The following COG5 variants were observed in gnomAD, a reference collection of about 807,000 sequenced individuals.
COG5 encodes the protein component of oligomeric golgi complex 5.
In COG5, 86 loss-of-function variants were observed where a neutral mutation model predicts 110.4. The observed-to-expected ratio is 0.78, with a 90% CI of 0.65 to 0.93. COG5 has a LOEUF of 0.93. COG5 is among the 40% of genes least tolerant of loss of function. The pLI, the probability that COG5 is intolerant of heterozygous loss-of-function variation, is 0.00. For missense variants in COG5, 1,077 were observed against 987.0 expected (o/e 1.09, Z -1.22); for synonymous variants, 360 against 334.6 (o/e 1.08, Z -0.83).
In COG5 at chr7:107,248,489, G is replaced by A; in HGVS notation, c.1760C>T (p.Ala587Val). 1 of 1,589,620 alleles carries A rather than the reference G, an allele frequency of 6.3e-7. No individual in the cohort carries two copies. The highest frequency in any genetic ancestry group is 8.6e-7 in the Non-Finnish European group (1 of 1,163,410). ...TIISALKAIH[A>V]LMENAVQPLL... The stretch of plus-strand genomic sequence containing the variant: ...GGGTTGCACAGCATTTTCCATAAGA[G>A]CATGAATAGCCTAAAAAAAAAAAAG... Residue 587 changes from alanine (A) to valine (V), a missense_variant, in exon 17 of 22, where the codon GCT becomes GTT. Physicochemically the swap from Ala to Val is moderately conservative, Grantham distance 64. Coordinates refer to ENST00000297135, the MANE Select transcript of COG5 (RefSeq NM_006348.5).
intron 12 of COG5, among the ~76,000 whole-genome samples, chr7:107,290,667 G>T (rs889107125): frequency 6.6e-6 from 1 of 152,240 alleles, no homozygotes; most frequent in Admixed American, 6.5e-5. Flanking sequence ...TTTTTGAAAG[G>T]ACAGCTTTAC....
In COG5 at chr7:107,283,593, C is replaced by A; in HGVS notation, c.1453G>T (p.Gly485Cys). Residue 485 changes from glycine to cysteine, a missense_variant, in exon 13 of 22, where the codon GGT (glycine) becomes TGT (cysteine). Coordinates refer to ENST00000297135, the MANE Select transcript of COG5 (RefSeq NM_006348.5). Reference sequence around the variant, plus strand: ...TACCTTGCTATAGTTTTAATAATACCATCAAGTTCATCAGAGGAAGGAGGA... The same window carrying A: ...TACCTTGCTATAGTTTTAATAATACAATCAAGTTCATCAGAGGAAGGAGGA... ...RNPPSSDELDGIIKTIASELN... is the reference protein window; with the variant it reads ...RNPPSSDELDCIIKTIASELN... The A allele has an allele frequency of 6.2e-7, 1 of 1,613,860 alleles. No individual in the cohort carries two copies. The highest frequency in any genetic ancestry group is 8.5e-7 in the Non-Finnish European group (1 of 1,179,916).
intron 14 of COG5, among the ~76,000 whole-genome samples, chr7:107,278,071 A>G (rs1804846792): frequency 6.6e-6 from 1 of 152,156 alleles, no homozygotes; most frequent in African/African-American, 2.4e-5. Context: ...AGACTTCTAT[A>G]ACCAATCTTT....
intron 12 of COG5, among the ~76,000 whole-genome samples, chr7:107,297,722 C>A (rs1024513966): frequency 2.0e-5 from 3 of 152,064 alleles, no homozygotes; most frequent in Non-Finnish European, 4.4e-5. Flanking sequence ...TGACTGAGAA[C>A]CTATCCCAGC....
chr7:107,459,983 T>C (rs1198417695), intron 6 of COG5, among the ~76,000 whole-genome samples: 1 of 152,112 alleles, frequency 6.6e-6, no homozygotes, highest in Admixed American at 6.6e-5. Flanking sequence ...TACTGAGCCA[T>C]TAAACTAACC....
chr7:107,376,353 C>T (rs1372523310), intron 7 of COG5, among the ~76,000 whole-genome samples: 1 of 151,854 alleles, frequency 6.6e-6, no homozygotes, highest in East Asian at 1.9e-4. Context: ...TGCATTAACT[C>T]TATAGATAAA....
At chr7:107,420,360 G>T (rs915151504) in intron 6 of COG5, among the ~76,000 whole-genome samples, 3 of 152,200 alleles carry the variant, frequency 2.0e-5, no homozygotes, top group African/African-American at 7.2e-5. Context: ...TCATAATAGG[G>T]TATTATTCTT....
chr7:107,492,909 T>G (rs771014802), intron 6 of COG5, among the ~76,000 whole-genome samples: 66 of 152,256 alleles, frequency 4.3e-4, no homozygotes, highest in Middle Eastern at 6.8e-3. Flanking sequence ...CTGCACTGAT[T>G]TGAAGTCAGA....
chr7:107,502,072 AAATT>A (rs1055200300), intron 6 of COG5, among the ~76,000 whole-genome samples: 1 of 152,136 alleles, frequency 6.6e-6, no homozygotes, highest in Non-Finnish European at 1.5e-5. Context: ...TTACATAAAT[AAATT>A]ATTTAGTGAT....
chr7:107,283,664 C>A lies in COG5; in HGVS notation c.1382G>T (p.Arg461Leu), dbSNP rs770669909. Residue 461 changes from arginine to leucine, a missense_variant, in exon 13 of 22, where the codon CGA (arginine) becomes CTA (leucine). Arg to Leu is a moderately radical substitution (Grantham distance 102, BLOSUM62 -2). Transcript: ENST00000297135. ...EAAYLSKSLS[R>L]LFDPINLVFP... ...AACCAAGTTGATAGGATCGAAGAGT[C>A]GAGATAAGGATTTTGATAGATAAGC... 1 of 1,613,556 alleles carries A rather than the reference C, an allele frequency of 6.2e-7. No homozygotes were observed. Among genetic ancestry groups the A allele is most frequent in the African/African-American group, 1.3e-5 (1 of 74,868 alleles).
chr7:107,373,348 TAAAAC>T (rs1270999348), intron 7 of COG5, among the ~76,000 whole-genome samples: 1 of 151,950 alleles, frequency 6.6e-6, no homozygotes, highest in Non-Finnish European at 1.5e-5. Flanking sequence ...AAAACATAAA[TAAAAC>T]AGAATAACGG....
intron 8 of COG5, among the ~76,000 whole-genome samples, chr7:107,369,384 CTTTT>C (rs567770114): frequency 3.9e-5 from 4 of 103,156 alleles, no homozygotes; most frequent in African/African-American, 8.7e-5. Flanking sequence ...AACAAAAATT[CTTTT>C]TTTTTTTTTT....
chr7:107,537,281 C>A (rs1254875993), intron 5 of COG5, among the ~76,000 whole-genome samples: 1 of 152,132 alleles, frequency 6.6e-6, no homozygotes, highest in African/African-American at 2.4e-5. Context: ...TATAAAGATA[C>A]ACACACACGT....
At chr7:107,412,300 T>A (rs771641069) in intron 7 of COG5, among the ~76,000 whole-genome samples, 1 of 152,074 alleles carries the variant, frequency 6.6e-6, no homozygotes, top group Non-Finnish European at 1.5e-5. Flanking sequence ...TTAGAAACAT[T>A]AGGTCTATTT....
chr7:107,477,278 G>T (rs1288562428), intron 6 of COG5, among the ~76,000 whole-genome samples: 2 of 151,452 alleles, frequency 1.3e-5, no homozygotes, highest in African/African-American at 2.4e-5. Context: ...GGACTCCCAA[G>T]CATAAATTAA....
intron 6 of COG5, among the ~76,000 whole-genome samples, chr7:107,523,386 ATT>A (rs1800471190): frequency 6.6e-6 from 1 of 151,844 alleles, no homozygotes; most frequent in Non-Finnish European, 1.5e-5. Context: ...CAACTCTTTT[ATT>A]AACTACAGCT....
At chr7:107,357,809 C>T (rs1584723881) in intron 10 of COG5, among the ~76,000 whole-genome samples, 2 of 152,196 alleles carry the variant, frequency 1.3e-5, no homozygotes, top group Non-Finnish European at 2.9e-5. Context: ...TCTGGAACTA[C>T]AGGTGTACAC....
intron 7 of COG5, among the ~76,000 whole-genome samples, chr7:107,406,825 G>A (rs1791881595): frequency 6.6e-6 from 1 of 152,014 alleles, no homozygotes; most frequent in Non-Finnish European, 1.5e-5. Context: ...ATATACAAAT[G>A]TATACATCAA....
At chr7:107,229,168 C>T (rs140308197) in intron 19 of COG5, among the ~76,000 whole-genome samples, 23 of 152,094 alleles carry the variant, frequency 1.5e-4, no homozygotes, top group African/African-American at 4.3e-4. Context: ...ATATCTTCTT[C>T]GGCTAGGCGC....
Sources: allele counts gnomAD v4.1 joint callset (sites outside exome capture counted in the v4.1 genomes callset), GRCh38; gene constraint gnomAD v4.1.1; transcripts MANE v1.5; gene names NCBI Gene and HGNC (gene_info 2026-07-23, HGNC 2026-07-21).